Variants in FLRT2 observed in about 807,000 individuals in gnomAD.
FLRT2 encodes leucine-rich repeat transmembrane protein FLRT2.
FLRT2 carries 15 observed loss-of-function variants against 40.0 expected under a neutral mutation model. That is an observed-to-expected ratio of 0.38 (90% CI 0.25 to 0.58). FLRT2 has a LOEUF of 0.58. Ranked by LOEUF, FLRT2 falls within the 20% of genes least tolerant of loss-of-function variation. The pLI, the probability that FLRT2 is intolerant of heterozygous loss-of-function variation, is 0.71. For missense variants in FLRT2, 726 were observed against 840.0 expected (o/e 0.86, Z 1.68); for synonymous variants, 380 against 336.8 (o/e 1.13, Z -1.41).
intron 1 of FLRT2, among the ~76,000 whole-genome samples, chr14:85,566,931 A>T (rs1248780767): frequency 6.6e-6 from 1 of 152,220 alleles, no homozygotes; most frequent in Non-Finnish European, 1.5e-5. Context: ...ACTTTGAGGC[A>T]GTATTAATAT....
intron 1 of FLRT2, among the ~76,000 whole-genome samples, chr14:85,602,776 C>A (rs1469484479): frequency 6.6e-6 from 1 of 152,092 alleles, no homozygotes; most frequent in East Asian, 1.9e-4. Context: ...CATGTGAATT[C>A]TTTGTGTAGG....
intron 1 of FLRT2, among the ~76,000 whole-genome samples, chr14:85,612,061 CAAAAAAAAAAA>C (rs11298272): frequency 4.8e-5 from 3 of 62,294 alleles, no homozygotes; most frequent in African/African-American, 5.8e-5. Context: ...ACTTACTTTT[CAAAAAAAAAAA>C]AAAAAAAAAA....
chr14:85,580,587 T>C (rs1188099002), intron 1 of FLRT2, among the ~76,000 whole-genome samples: 1 of 152,212 alleles, frequency 6.6e-6, no homozygotes, highest in African/African-American at 2.4e-5. Context: ...GTCTGTTTAA[T>C]GTTCAAAGAG....
intron 1 of FLRT2, among the ~76,000 whole-genome samples, chr14:85,540,107 T>C (rs1285748651): frequency 1.3e-5 from 2 of 152,128 alleles, no homozygotes; most frequent in African/African-American, 4.8e-5. Flanking sequence ...TGAAATGAGG[T>C]CGTTTCTCTT....
At chr14:85,567,829 C>CG (rs923870895) in intron 1 of FLRT2, among the ~76,000 whole-genome samples, 3 of 151,750 alleles carry the variant, frequency 2.0e-5, no homozygotes, top group Non-Finnish European at 4.4e-5. Context: ...TTAGTAGAGA[C>CG]GGGGTTCCAC....
intron 1 of FLRT2, among the ~76,000 whole-genome samples, chr14:85,569,929 T>G (rs12884372): frequency 0.018 from 2,705 of 152,330 alleles, 40 homozygotes; most frequent in Admixed American, 0.029. Context: ...TAGTGGTATT[T>G]GTAAGATGTT....
rs1269181012 is a variant in FLRT2, at chr14:85,624,953, A to C, written c.*1456A>C. ...ATCGTGGATGTTCCTCTACTTTGGC[A>C]ATTGTGGAGGGCTAATCAATCTTAT... On this transcript the variant is annotated 3_prime_UTR_variant, in exon 2 of 2. Transcript: ENST00000330753. The C allele has an allele frequency of 6.0e-6, 1 of 167,012 alleles. No individual in the cohort carries two copies. The highest frequency in any genetic ancestry group is 1.5e-5 in the Non-Finnish European group (1 of 68,122). The allele number at this position is 167,012 out of a possible 1,614,324, so 10.3% of individuals were successfully genotyped here.
At chr14:85,598,916 G>GTTTTTTTT (rs11449675) in intron 1 of FLRT2, among the ~76,000 whole-genome samples, 5 of 120,318 alleles carry the variant, frequency 4.2e-5, no homozygotes, top group Non-Finnish European at 4.9e-5. Flanking sequence ...AAATGGGATG[G>GTTTTTTTT]TTTTTTTTTT....
At chr14:85,620,470 A>G (rs192834269) in intron 1 of FLRT2, among the ~76,000 whole-genome samples, 3 of 152,330 alleles carry the variant, frequency 2.0e-5, no homozygotes, top group Non-Finnish European at 4.4e-5. Context: ...AAAATTTTCC[A>G]TTAAGCATGA....
rs1445305256 is a variant in FLRT2, at chr14:85,651,209, TA to T, written c.*27715del. 6.6e-6 allele frequency: 1 copy of T among 152,110 alleles called. No individual in the cohort carries two copies. The highest frequency in any genetic ancestry group is 1.5e-5 in the Non-Finnish European group (1 of 68,016). 9.4% of individuals were successfully genotyped at this position (152,110 alleles called of 1,614,324 possible). On this transcript the variant is annotated 3_prime_UTR_variant, in exon 2 of 2. Transcript: ENST00000330753. Reference sequence around the variant, plus strand: ...ATAGATATCTTTAATTACATATTTCTAAATTATTTTCATTTAAGTCAAAGGA... The same window carrying T: ...ATAGATATCTTTAATTACATATTTCTAATTATTTTCATTTAAGTCAAAGGA...
At chr14:85,577,547 T>C (rs1891169096) in intron 1 of FLRT2, among the ~76,000 whole-genome samples, 1 of 152,174 alleles carries the variant, frequency 6.6e-6, no homozygotes, top group Non-Finnish European at 1.5e-5. Context: ...TATTAGCCTC[T>C]GAGGACTATG....
At position 85,623,083 on chromosome 14, in the gene FLRT2, C is replaced by A. The variant is rs759964695; in HGVS notation, c.1569C>A (p.Ser523Arg). ...ATGCCTCCTATCTGAACAACGGCAG[C>A]AACACAGCGTCCAGCCATGAGCAGA... ...TTHASYLNNG[S>R]NTASSHEQTT... is the part of the protein sequence containing the mutation. Residue 523 changes from serine to arginine, a missense_variant, in exon 2 of 2, where the codon AGC (serine) becomes AGA (arginine). Coordinates refer to ENST00000330753, the MANE Select transcript of FLRT2 (RefSeq NM_013231.6). 4 of 1,614,096 alleles carry A rather than the reference C, an allele frequency of 2.5e-6. No homozygotes were observed. In the South Asian group the frequency reaches 3.3e-5, roughly 13 times the overall value.
rs1894299173 is a variant in FLRT2, at chr14:85,646,168, A to G, written c.*22671A>G. ...CCGGTAAGAGTCACTGTTATCATTC[A>G]CCACAAGTTGCCTGAAGCAACCAGC... On this transcript the variant is annotated 3_prime_UTR_variant, in exon 2 of 2. Transcript: ENST00000330753. 1 of 152,202 alleles carries G rather than the reference A, an allele frequency of 6.6e-6. No individual in the cohort carries two copies. The highest frequency in any genetic ancestry group is 2.4e-5 in the African/African-American group (1 of 41,462). 9.4% of individuals were successfully genotyped at this position (152,202 alleles called of 1,614,324 possible). A position where few individuals can be genotyped will look rare whatever the true frequency, so the allele number is the denominator to read the frequency against.
At chr14:85,587,372 C>G (rs886415069) in intron 1 of FLRT2, among the ~76,000 whole-genome samples, 14 of 151,714 alleles carry the variant, frequency 9.2e-5, no homozygotes, top group Non-Finnish European at 1.5e-5. Context: ...GTGCCAATAG[C>G]GCCAAAGAAT....
Position 85,652,519 on chromosome 14 carries a change from A to G in FLRT2, c.*29022A>G, listed in dbSNP as rs1894457819. 1 of 145,850 alleles carries G rather than the reference A, an allele frequency of 6.9e-6. No individual in the cohort carries two copies. The highest frequency in any genetic ancestry group is 2.6e-5 in the African/African-American group (1 of 38,586). 9.0% of individuals were successfully genotyped at this position (145,850 alleles called of 1,614,324 possible). A position where few individuals can be genotyped will look rare whatever the true frequency, so the allele number is the denominator to read the frequency against. On this transcript the variant is annotated 3_prime_UTR_variant, in exon 2 of 2. Transcript: ENST00000330753. ...TATAACGTTCTTCATCTGATTAAAC[A>G]AACAAAAAACCCATCTTTATTTTTA...
intron 1 of FLRT2, among the ~76,000 whole-genome samples, chr14:85,534,136 T>TGGCAG (rs1888491446): frequency 6.6e-6 from 1 of 152,190 alleles, no homozygotes; most frequent in African/African-American, 2.4e-5. Context: ...CACCGAGCGC[T>TGGCAG]GGCAGATCAC....
chr14:85,561,151 A>G (rs1046634303), intron 1 of FLRT2: 5 of 152,190 alleles, frequency 3.3e-5, no homozygotes, highest in African/African-American at 1.2e-4. Context: ...TGTGTTGCAC[A>G]ACCCCGTGAT....
At chr14:85,566,140 A>G (rs1327372894) in intron 1 of FLRT2, among the ~76,000 whole-genome samples, 1 of 152,202 alleles carries the variant, frequency 6.6e-6, no homozygotes, top group Non-Finnish European at 1.5e-5. Flanking sequence ...TTATGCCAGC[A>G]GTAGTTTTTT....
chr14:85,634,912 A>T lies in FLRT2; in HGVS notation c.*11415A>T, dbSNP rs981035726. On this transcript the variant is annotated 3_prime_UTR_variant, in exon 2 of 2. Coordinates refer to ENST00000330753, the MANE Select transcript of FLRT2 (RefSeq NM_013231.6). The stretch of plus-strand genomic sequence containing the variant: ...AGGAATTTAGTTGATCTCCCAAGTT[A>T]CTTTGGACCTTAAATTCTGTTTTAT... 1 of 152,276 alleles carries T rather than the reference A, an allele frequency of 6.6e-6. No homozygotes were observed. Among genetic ancestry groups the T allele is most frequent in the Admixed American group, 6.5e-5 (1 of 15,286 alleles). 9.4% of individuals were successfully genotyped at this position (152,276 alleles called of 1,614,324 possible).
Sources: allele counts gnomAD v4.1 joint callset (sites outside exome capture counted in the v4.1 genomes callset), GRCh38; gene constraint gnomAD v4.1.1; transcripts MANE v1.5; gene names NCBI Gene and HGNC (gene_info 2026-07-23, HGNC 2026-07-21).